The following DNAI2 variants were observed in gnomAD, a reference collection of about 807,000 sequenced individuals.
The protein encoded by DNAI2 is dynein axonemal intermediate chain 2, also known as dynein, axonemal, intermediate polypeptide 2.
DNAI2 carries 63 observed loss-of-function variants against 74.7 expected under a neutral mutation model. The ratio of observed to expected loss-of-function variants is 0.84; its 90% CI spans 0.69 to 1.04. DNAI2 has a LOEUF of 1.04. Ranked by LOEUF, DNAI2 falls within the 50% of genes least tolerant of loss-of-function variation. DNAI2 has a pLI of 0.00. For missense variants in DNAI2, 688 were observed against 803.2 expected, an observed-to-expected ratio of 0.86 and a Z score of 1.73; for synonymous variants, 289 against 314.9, an observed-to-expected ratio of 0.92 and a Z score of 0.87.
chr17:74,284,494 C>G (rs1384738293), intron 2 of DNAI2, among the ~76,000 whole-genome samples: 1 of 152,038 alleles, frequency 6.6e-6, no homozygotes, highest in Non-Finnish European at 1.5e-5. Flanking sequence ...CTCACTGCAA[C>G]CTCTGCCTCC....
chr17:74,301,687 G>T (rs2052773262), intron 8 of DNAI2, among the ~76,000 whole-genome samples: 1 of 151,634 alleles, frequency 6.6e-6, no homozygotes, highest in Admixed American at 6.6e-5. Context: ...AAATATCAAA[G>T]TTCAGGTCGG....
chr17:74,275,687 A>T (rs1300855720), intron 1 of DNAI2, among the ~76,000 whole-genome samples: 2 of 151,922 alleles, frequency 1.3e-5, no homozygotes, highest in Non-Finnish European at 2.9e-5. Flanking sequence ...AGATCAGGCC[A>T]CTGCACTCCA....
chr17:74,303,913 C>G (rs1357615087), intron 8 of DNAI2, among the ~76,000 whole-genome samples: 1 of 151,956 alleles, frequency 6.6e-6, no homozygotes, highest in Non-Finnish European at 1.5e-5. Context: ...ATCACTTGAG[C>G]TTAGGAGTTT....
At chr17:74,295,778 T>G (rs985331876) in intron 6 of DNAI2, among the ~76,000 whole-genome samples, 2 of 152,242 alleles carry the variant, frequency 1.3e-5, no homozygotes, top group African/African-American at 4.8e-5. Flanking sequence ...TAATACATTT[T>G]CTTAGCTAGT....
intron 13 of DNAI2, 87 bp from the exon 14 acceptor site, chr17:74,314,502 G>C (rs1331847725): frequency 2.4e-6 from 1 of 425,054 alleles, no homozygotes; most frequent in East Asian, 5.3e-5. Flanking sequence ...CCAAGGCCGA[G>C]GCCACCTTAG....
At chr17:74,303,629 C>CTG (rs34192490) in intron 8 of DNAI2, among the ~76,000 whole-genome samples, 79,742 of 147,012 alleles carry the variant, frequency 0.54, 22,574 homozygotes, top group Non-Finnish European at 0.65. Context: ...GAGTCTCACT[C>CTG]TTGCCCAGGC....
intron 4 of DNAI2, among the ~76,000 whole-genome samples, chr17:74,288,754 TG>T (rs1164639236): frequency 6.6e-6 from 1 of 151,740 alleles, no homozygotes; most frequent in Non-Finnish European, 1.5e-5. Context: ...AGAAAGTGGG[TG>T]GAAGTGAGAA....
At chr17:74,298,400 G>A (rs1247065285) in intron 6 of DNAI2, among the ~76,000 whole-genome samples, 2 of 152,170 alleles carry the variant, frequency 1.3e-5, no homozygotes, top group East Asian at 3.8e-4. Context: ...TGCCTCCCAG[G>A]TGCGAGTGAT....
chr17:74,314,573 G>GT lies in DNAI2; in HGVS notation c.*56-13dup. On this transcript the variant is annotated splice_polypyrimidine_tract_variant and intron_variant, in intron 13 of 13. Coordinates refer to ENST00000311014, the MANE Select transcript of DNAI2 (RefSeq NM_023036.6). The stretch of plus-strand genomic sequence containing the variant: ...CACAGGCTCCCCAGCAATCATTTTC[G>GT]TTTGTAACCTTGCAGACCCTCAACC... The GT allele has an allele frequency of 3.1e-6, 1 of 324,704 alleles. No individual in the cohort carries two copies. The allele number at this position is 324,704 out of a possible 1,614,324, so 20.1% of individuals were successfully genotyped here.
rs139915367 is a variant in DNAI2, at chr17:74,312,107, C to T, written c.1599C>T (p.Thr533=). 87 of 1,613,606 alleles carry T rather than the reference C, an allele frequency of 5.4e-5. No individual in the cohort carries two copies. The African/African-American group carries it at 7.2e-4, about 13-fold the overall frequency. Residue 533 remains threonine (T), a synonymous_variant, in exon 12 of 14, where the codon ACC becomes ACT. Coordinates refer to ENST00000311014, the MANE Select transcript of DNAI2 (RefSeq NM_023036.6). The part of the protein sequence containing the change: ...GKAEGRDEEQ[T]DEELAVDLEA... ...CGGAGGGCAGGGATGAGGAGCAGAC[C>T]GATGAGGAGCTGGCCGTAGACCTGG... is the stretch of plus-strand genomic sequence containing the variant.
chr17:74,313,884 G>A, intron 12 of DNAI2: 1 of 550,762 alleles, frequency 1.8e-6, no homozygotes, highest in South Asian at 2.0e-5. Flanking sequence ...CTCCCAGTCT[G>A]CATGTGGCAG....
intron 6 of DNAI2, among the ~76,000 whole-genome samples, chr17:74,297,054 T>A (rs1407716873): frequency 6.6e-6 from 1 of 152,164 alleles, no homozygotes; most frequent in Non-Finnish European, 1.5e-5. Context: ...ACTTCACGGA[T>A]TTTGCTGATG....
Position 74,312,024 on chromosome 17 carries a change from C to A in DNAI2, c.1516C>A (p.Arg506=), listed in dbSNP as rs141581673. 5.9e-4 allele frequency: 943 copies of A among 1,611,708 alleles called. 3 individuals are homozygous for A. The highest frequency in any genetic ancestry group is 7.3e-4 in the Non-Finnish European group (866 of 1,179,726). Reference sequence around the variant, plus strand: ...CCAGATGTTTGAGCGTGAGACCCGGCGAGAGAAGATCCTGGAGGCCAGGCA... The same window carrying A: ...CCAGATGTTTGAGCGTGAGACCCGGAGAGAGAAGATCCTGGAGGCCAGGCA... ...ASSMFERETR[R]EKILEARHRE... The change falls in exon 12 of 14, where the codon CGA becomes AGA. Residue 506 remains arginine (R), a synonymous_variant. Transcript: ENST00000311014.
At position 74,300,786 on chromosome 17, in the gene DNAI2, G is replaced by C. The variant is rs1395171745; in HGVS notation, c.865-260G>C. 6.6e-6 allele frequency among the ~76,000 whole-genome samples: 1 copy of C among 152,200 alleles called. No homozygotes were observed. Among genetic ancestry groups the C allele is most frequent in the African/African-American group, 2.4e-5 (1 of 41,444 alleles). ...CCGATTCTTGGCCTTGCACCTGGAG[G>C]TTTTGATTCAGTAGGTCGAGGGCGA... is the stretch of plus-strand genomic sequence containing the variant. On this transcript the variant is annotated intron_variant, in intron 7 of 13. Transcript: ENST00000311014. This position sits in a 1 kb window ranked among gnomAD's most constrained non-coding sequence, Gnocchi z 4.5.
chr17:74,289,456 GGCAGAGGTT>G, intron 4 of DNAI2, 129 bp from the exon 5 acceptor site: 3 of 1,076,786 alleles, frequency 2.8e-6, no homozygotes, highest in Non-Finnish European at 4.0e-6. Context: ...GAACCCAGGA[GGCAGAGGTT>G]GCAGTGAGCC....
intron 12 of DNAI2, among the ~76,000 whole-genome samples, chr17:74,312,630 C>T (rs545902601): frequency 5.9e-5 from 9 of 152,244 alleles, no homozygotes; most frequent in African/African-American, 2.2e-4. Context: ...GGGACATTAG[C>T]GGTGTGCACG....
intron 1 of DNAI2, among the ~76,000 whole-genome samples, chr17:74,277,384 CAAAAAAAA>C (rs34911667): frequency 1.6e-5 from 2 of 123,844 alleles, no homozygotes; most frequent in Non-Finnish European, 3.4e-5. Context: ...GAATCCATCT[CAAAAAAAA>C]AAAAAAAAAG....
intron 2 of DNAI2, among the ~76,000 whole-genome samples, chr17:74,283,186 G>A (rs182987778): frequency 6.6e-6 from 1 of 152,378 alleles, no homozygotes; most frequent in African/African-American, 2.4e-5. Context: ...CCTGGGTGAT[G>A]TAAGAGTTTT....
chr17:74,308,089 C>T (rs953776211), intron 9 of DNAI2, among the ~76,000 whole-genome samples: 5 of 152,158 alleles, frequency 3.3e-5, no homozygotes, highest in Non-Finnish European at 7.3e-5. Flanking sequence ...TGAGCCACCG[C>T]GCCCGGCCCA....
Sources: gnomAD v4.1 joint callset for allele counts (sites outside exome capture counted in the v4.1 genomes callset) on GRCh38, gnomAD v4.1.1 for gene constraint, Gnocchi (gnomAD v3.1) non-coding constraint, MANE v1.5 for transcripts, NCBI Gene and HGNC (gene_info 2026-07-23, HGNC 2026-07-21) for gene names.